The following LRRC7 variants were observed in gnomAD, a reference collection of about 807,000 sequenced individuals.
LRRC7 encodes leucine-rich repeat-containing protein 7.
In LRRC7, 23 loss-of-function variants were observed where a neutral mutation model predicts 175.7. The ratio of observed to expected loss-of-function variants is 0.13; its 90% CI spans 0.09 to 0.19. LRRC7 has a LOEUF of 0.19. LRRC7 is among the 10% of genes least tolerant of loss of function. LRRC7 has a pLI of 1.00. For missense variants in LRRC7, 1,354 were observed against 1,904.7 expected, an observed-to-expected ratio of 0.71 and a Z score of 5.38; for synonymous variants, 685 against 680.9, an observed-to-expected ratio of 1.01 and a Z score of -0.09.
At chr1:69,862,206 A>T (rs1237939336) in intron 7 of LRRC7, among the ~76,000 whole-genome samples, 3 of 152,140 alleles carry the variant, frequency 2.0e-5, no homozygotes, top group Non-Finnish European at 4.4e-5. Flanking sequence ...GCAAGATAAT[A>T]TTGAAAAACA....
At chr1:69,856,386 A>G (rs1683628960) in intron 7 of LRRC7, among the ~76,000 whole-genome samples, 1 of 152,208 alleles carries the variant, frequency 6.6e-6, no homozygotes, top group East Asian at 1.9e-4. Flanking sequence ...AAAGAAGAAA[A>G]GAGAGAAGAA....
intron 3 of LRRC7, among the ~76,000 whole-genome samples, chr1:69,760,916 T>TA (rs1358168528): frequency 2.0e-5 from 3 of 151,872 alleles, no homozygotes; most frequent in Admixed American, 2.0e-4. Flanking sequence ...ATAAAACTAG[T>TA]AAAAAGTTTA....
At chr1:69,809,286 C>A (rs1445448894) in intron 4 of LRRC7, among the ~76,000 whole-genome samples, 1 of 152,070 alleles carries the variant, frequency 6.6e-6, no homozygotes, top group South Asian at 2.1e-4. Context: ...TAATTAATAG[C>A]CTATCAACCG....
intron 3 of LRRC7, among the ~76,000 whole-genome samples, chr1:69,763,290 A>G (rs1570668534): frequency 1.3e-5 from 2 of 152,076 alleles, no homozygotes; most frequent in African/African-American, 4.8e-5. Context: ...GACTTTTCTC[A>G]TGGTAGCAGG....
intron 8 of LRRC7, among the ~76,000 whole-genome samples, chr1:69,963,403 G>A (rs2101849799): frequency 6.6e-6 from 1 of 152,252 alleles, no homozygotes; most frequent in Non-Finnish European, 1.5e-5. Flanking sequence ...ACTGCAGACA[G>A]TTGAGTTTTC....
chr1:69,857,736 T>C (rs1416224595), intron 7 of LRRC7, among the ~76,000 whole-genome samples: 1 of 152,160 alleles, frequency 6.6e-6, no homozygotes, highest in African/African-American at 2.4e-5. Context: ...CCAATGACTT[T>C]GTTCACAGAA....
At chr1:69,714,164 T>A (rs1327374865) in intron 2 of LRRC7, among the ~76,000 whole-genome samples, 1 of 152,024 alleles carries the variant, frequency 6.6e-6, no homozygotes, top group Non-Finnish European at 1.5e-5. Flanking sequence ...CACACTCAAC[T>A]CCCCTGAGTT....
intron 7 of LRRC7, among the ~76,000 whole-genome samples, chr1:69,842,969 C>A (rs547816478): frequency 1.8e-4 from 28 of 152,118 alleles, no homozygotes; most frequent in African/African-American, 6.5e-4. Flanking sequence ...GAGACCAAGG[C>A]AGGCCAATCA....
intron 26 of LRRC7, among the ~76,000 whole-genome samples, chr1:70,108,981 G>A (rs1159792791): frequency 6.6e-6 from 1 of 151,932 alleles, no homozygotes; most frequent in Non-Finnish European, 1.5e-5. Flanking sequence ...TTGTTGTTTG[G>A]TGGTGGTGTT....
chr1:69,888,090 C>G (rs1258289064), intron 7 of LRRC7, among the ~76,000 whole-genome samples: 1 of 116,756 alleles, frequency 8.6e-6, no homozygotes, highest in Non-Finnish European at 1.8e-5. Flanking sequence ...TGCCCTGTCT[C>G]CAGAGGTGGC....
At chr1:69,717,297 G>T (rs935430980) in intron 2 of LRRC7, among the ~76,000 whole-genome samples, 4 of 151,382 alleles carry the variant, frequency 2.6e-5, no homozygotes, top group Admixed American at 6.6e-5. Flanking sequence ...CAATTGCTTA[G>T]CAGTACAGAT....
At chr1:70,013,556 G>A (rs770545293) in intron 13 of LRRC7, among the ~76,000 whole-genome samples, 1 of 151,816 alleles carries the variant, frequency 6.6e-6, no homozygotes. Context: ...TACTGACAAC[G>A]AAATGGCTGT....
intron 18 of LRRC7, among the ~76,000 whole-genome samples, chr1:70,030,394 A>G (rs1185592873): frequency 6.6e-6 from 1 of 152,126 alleles, no homozygotes; most frequent in African/African-American, 2.4e-5. Context: ...TTTATCTAAA[A>G]TTGAGATTCT....
At chr1:69,632,062 T>C (rs1201907573) in intron 1 of LRRC7, among the ~76,000 whole-genome samples, 1 of 152,164 alleles carries the variant, frequency 6.6e-6, no homozygotes, top group African/African-American at 2.4e-5. Context: ...TCTCTCTGCA[T>C]CAGCCAGTCT....
chr1:70,038,931 A>G lies in LRRC7; in HGVS notation c.3107A>G (p.Gln1036Arg). Reference protein sequence around the residue: ...EHGMSSMSRSQSVPMLDDEML... With the variant: ...EHGMSSMSRSRSVPMLDDEML... Reference sequence around the variant, plus strand: ...GGTATGTCCAGTATGTCTCGAAGCCAGTCAGTCCCAATGCTGGATGATGAG... The same window carrying G: ...GGTATGTCCAGTATGTCTCGAAGCCGGTCAGTCCCAATGCTGGATGATGAG... Residue 1036 changes from glutamine (Q) to arginine (R), a missense_variant, in exon 21 of 27, where the codon CAG (glutamine) becomes CGG (arginine). Transcript: ENST00000651989. 6.2e-7 allele frequency: 1 copy of G among 1,614,048 alleles called. No individual in the cohort carries two copies. The highest frequency in any genetic ancestry group is 1.1e-5 in the South Asian group (1 of 91,076).
chr1:69,774,754 T>C (rs1557709542), intron 3 of LRRC7, among the ~76,000 whole-genome samples: 1 of 152,264 alleles, frequency 6.6e-6, no homozygotes, highest in East Asian at 1.9e-4. Flanking sequence ...ACCGAAGATT[T>C]GGATGTAAGT....
At chr1:69,664,407 T>C (rs1414118533) in intron 1 of LRRC7, among the ~76,000 whole-genome samples, 1 of 152,214 alleles carries the variant, frequency 6.6e-6, no homozygotes, top group Non-Finnish European at 1.5e-5. Context: ...GTGGTTGTAC[T>C]AATTTACATT....
intron 1 of LRRC7, among the ~76,000 whole-genome samples, chr1:69,581,315 C>A (rs1646192191): frequency 6.6e-6 from 1 of 152,022 alleles, no homozygotes; most frequent in South Asian, 2.1e-4. Context: ...TTACAGTGAG[C>A]TGGACAATAA....
At chr1:70,044,756 TTC>T (rs1164416299) in intron 22 of LRRC7, among the ~76,000 whole-genome samples, 2 of 152,150 alleles carry the variant, frequency 1.3e-5, no homozygotes, top group African/African-American at 4.8e-5. Flanking sequence ...AAAGGAAAAT[TTC>T]TGTTTGTTTA....
Sources: allele counts gnomAD v4.1 joint callset (sites outside exome capture counted in the v4.1 genomes callset), GRCh38; gene constraint gnomAD v4.1.1; transcripts MANE v1.5; gene names NCBI Gene and HGNC (gene_info 2026-07-23, HGNC 2026-07-21).